The following CHD1L variants were observed in gnomAD, a reference collection of about 807,000 sequenced individuals.
The protein encoded by CHD1L is chromodomain helicase DNA binding protein 1 like.
CHD1L carries 118 observed loss-of-function variants against 115.9 expected under a neutral mutation model. The ratio of observed to expected loss-of-function variants is 1.02; its 90% confidence interval spans 0.88 to 1.19. CHD1L has a LOEUF of 1.19. Ranked by LOEUF, CHD1L falls within the 50% of genes most tolerant of loss-of-function variation. The pLI, the probability that CHD1L is intolerant of heterozygous loss-of-function variation, is 0.00. For synonymous variants in CHD1L, 411 were observed against 387.1 expected (o/e 1.06, Z -0.72); for missense variants, 1,179 against 1,065.3 (o/e 1.11, Z -1.49).
At chr1:147,183,702 C>A in the CHD1L span, among the ~76,000 whole-genome samples, 1 of 152,126 alleles carries the variant, frequency 6.6e-6, no homozygotes, top group African/African-American at 2.4e-5. Flanking sequence ...TGTTAGCCAG[C>A]TGGGCCAGTG....
chr1:147,283,100 T>A (rs1297901421), intron 15 of CHD1L, among the ~76,000 whole-genome samples: 6 of 152,180 alleles, frequency 3.9e-5, no homozygotes, highest in African/African-American at 9.6e-5. Context: ...AACATTTTTT[T>A]AAAAAGCATG....
intron 12 of CHD1L, chr1:147,272,543 C>T (rs1676648356): frequency 3.5e-6 from 1 of 285,258 alleles, no homozygotes. Context: ...CTGGGAATGT[C>T]CTGAAAGATT....
intron 17 of CHD1L, 149 bp downstream of exon 17, chr1:147,285,636 T>C: frequency 2.2e-6 from 2 of 909,186 alleles, no homozygotes; most frequent in Non-Finnish European, 3.3e-6. Flanking sequence ...AAACATTTCC[T>C]CTAGGTAAGT....
the CHD1L span, chr1:147,215,414 A>G: frequency 2.5e-5 from 5 of 198,644 alleles, no homozygotes; most frequent in East Asian, 2.7e-4. Context: ...TTGTGGAACC[A>G]GAGAGTTTTA....
intron 12 of CHD1L, among the ~76,000 whole-genome samples, chr1:147,274,094 G>A (rs1328496621): frequency 2.0e-5 from 3 of 152,136 alleles, no homozygotes; most frequent in South Asian, 2.1e-4. Context: ...ATAAAAGCAC[G>A]GGCTCTGGAC....
chr1:147,279,945 T>C, intron 14 of CHD1L, 81 bp from the exon 15 acceptor site: 1 of 1,455,896 alleles, frequency 6.9e-7, no homozygotes, highest in African/African-American at 1.4e-5. Context: ...CTGGTGTCGT[T>C]AATCCACTTA....
chr1:147,263,849 T>C (rs782651960), intron 6 of CHD1L, among the ~76,000 whole-genome samples: 1 of 152,208 alleles, frequency 6.6e-6, no homozygotes, highest in Non-Finnish European at 1.5e-5. Context: ...TGTTGAAAAT[T>C]TAAGGAAATT....
Position 147,286,323 on chromosome 1 carries a change from T to TA in CHD1L, c.2045dup (p.Tyr682Ter). 6.2e-7 allele frequency: 1 copy of TA among 1,614,014 alleles called. No homozygotes were observed. Among genetic ancestry groups the TA allele is most frequent in the Non-Finnish European group, 8.5e-7 (1 of 1,179,942 alleles). Reference sequence around the variant, plus strand: ...GATGGCCTGGTGGGAATCCAACAATTACCAGTCCTTCTGCCTGCCCTCTGA... The same window carrying TA: ...GATGGCCTGGTGGGAATCCAACAATTAACCAGTCCTTCTGCCTGCCCTCTGA... ...KKMAWWESNNYQSFCLPSEES... is the reference protein window; with the variant it reads ...KKMAWWESNN Residue 682 changes from tyrosine (Y) to a stop codon, truncating the protein, a stop_gained and frameshift_variant, in exon 18 of 23, where the codon TAC becomes TAAC. Transcript: ENST00000369258. LOFTEE classifies it high-confidence loss of function.
the CHD1L span, among the ~76,000 whole-genome samples, chr1:147,202,418 C>T: frequency 7.1e-6 from 1 of 141,122 alleles, no homozygotes; most frequent in Non-Finnish European, 1.5e-5. Context: ...CTCCCAGGTT[C>T]AAGTGATTCT....
chr1:147,291,582 A>T, intron 20 of CHD1L, 30 bp downstream of exon 20: 1 of 1,567,390 alleles, frequency 6.4e-7, no homozygotes, highest in Non-Finnish European at 8.8e-7. Context: ...TCTCAGAACT[A>T]CAAGTGGACT....
upstream of CHD1L, among the ~76,000 whole-genome samples, chr1:147,238,392 A>G (rs1664655605): frequency 1.3e-5 from 2 of 152,218 alleles, no homozygotes; most frequent in Admixed American, 1.3e-4. Context: ...AGCAAACATA[A>G]TTTGTTTCTT....
At chr1:147,285,614 A>G in intron 17 of CHD1L, 127 bp downstream of exon 17, 2 of 1,079,110 alleles carry the variant, frequency 1.9e-6, no homozygotes, top group Non-Finnish European at 1.3e-6. Context: ...TTGGTAACAG[A>G]ATACTTTCTG....
At chr1:147,193,470 T>C in the CHD1L span, among the ~76,000 whole-genome samples, 1 of 152,174 alleles carries the variant, frequency 6.6e-6, no homozygotes, top group Admixed American at 6.5e-5. Flanking sequence ...CCTGGATTCA[T>C]TAATTTTTTG....
chr1:147,213,254 G>T, the CHD1L span: 1 of 1,423,114 alleles, frequency 7.0e-7, no homozygotes, highest in Non-Finnish European at 9.4e-7. Flanking sequence ...CCATTCCTCA[G>T]GGGTCAGGTC....
chr1:147,269,541 C>CA (rs1675299654), intron 10 of CHD1L, among the ~76,000 whole-genome samples: 1 of 151,810 alleles, frequency 6.6e-6, no homozygotes, highest in Non-Finnish European at 1.5e-5. Flanking sequence ...TGGTGGCAGG[C>CA]GCCTGTAGTC....
the CHD1L span, chr1:147,225,413 G>C: frequency 3.1e-5 from 6 of 191,874 alleles, no homozygotes; most frequent in Non-Finnish European, 5.5e-5. Flanking sequence ...AGGGGCTGTA[G>C]CACTCCACCT....
the CHD1L span, among the ~76,000 whole-genome samples, chr1:147,200,065 C>G: frequency 6.6e-6 from 1 of 152,154 alleles, no homozygotes; most frequent in Admixed American, 6.6e-5. Context: ...CCTGCCCCGG[C>G]CCAGTGAGCA....
the CHD1L span, among the ~76,000 whole-genome samples, chr1:147,229,848 T>A: frequency 1.3e-5 from 2 of 151,934 alleles, no homozygotes; most frequent in Non-Finnish European, 2.9e-5. Context: ...GTGATTTTTG[T>A]GCATTGATTT....
At chr1:147,285,291 T>C in intron 16 of CHD1L, 33 bp from the exon 17 acceptor site, 2 of 1,597,038 alleles carry the variant, frequency 1.3e-6, no homozygotes, top group Non-Finnish European at 1.7e-6. Flanking sequence ...GGAATCTTCT[T>C]GACCCTGGTG....
Sources: gnomAD v4.1 joint callset for allele counts (sites outside exome capture counted in the v4.1 genomes callset) on GRCh38, gnomAD v4.1.1 for gene constraint, MANE v1.5 for transcripts, NCBI Gene and HGNC (gene_info 2026-07-23, HGNC 2026-07-21) for gene names.